Variants in BGN observed in about 807,000 individuals in gnomAD.
The protein encoded by BGN is bone/cartilage proteoglycan-I.
In BGN, 6 loss-of-function variants were observed where a neutral mutation model predicts 20.0. That is an observed-to-expected ratio of 0.30 (90% CI 0.16 to 0.59). The LOEUF is 0.59. Among genes scored for constraint, BGN ranks in the 20% least tolerant of loss-of-function variants. BGN has a pLI of 0.88. For synonymous variants in BGN, 146 were observed against 134.6 expected, an observed-to-expected ratio of 1.08 and a Z score of -0.59; for missense variants, 292 against 312.1, an observed-to-expected ratio of 0.94 and a Z score of 0.49.
chrX:153,505,402 G>C, intron 3 of BGN, 52 bp downstream of exon 3: 4 of 1,031,833 alleles, frequency 3.9e-6, no homozygotes, highest in Non-Finnish European at 5.4e-6. Context: ...AGGGGTCCGG[G>C]TGGGTGCATG....
chrX:153,504,655 G>C lies in BGN; in HGVS notation c.24G>C (p.Val8=). The C allele has an allele frequency of 8.3e-7, 1 of 1,208,255 alleles. No homozygotes were observed. Reference sequence around the variant, plus strand: ...CCATGTGGCCCCTGTGGCGCCTCGTGTCTCTGCTGGCCCTGAGCCAGGCCC... The same window carrying C: ...CCATGTGGCCCCTGTGGCGCCTCGTCTCTCTGCTGGCCCTGAGCCAGGCCC... MWPLWRL[V]SLLALSQALP... is the part of the protein sequence containing the mutation. The change falls in exon 2 of 8, where the codon GTG becomes GTC. Residue 8 remains valine (V), a synonymous_variant. Coordinates refer to ENST00000331595, the MANE Select transcript of BGN (RefSeq NM_001711.6).
rs1244353755 is a variant in BGN at position 153,507,192 on chromosome X, G to A, written c.909+7G>A. On this transcript the variant is annotated splice_region_variant and intron_variant, in intron 7 of 7. Coordinates refer to ENST00000331595, the MANE Select transcript of BGN (RefSeq NM_001711.6). ...AGACCTCAAGCTCCTCCAGGTGAGAGCTGGGCATGCACAGCCAGGTTCCCT... is the reference window on the plus strand; with the variant it reads ...AGACCTCAAGCTCCTCCAGGTGAGAACTGGGCATGCACAGCCAGGTTCCCT... 1 of 1,191,932 alleles carries A rather than the reference G, an allele frequency of 8.4e-7. No homozygotes were observed. Among genetic ancestry groups the A allele is most frequent in the Non-Finnish European group, 1.1e-6 (1 of 884,435 alleles).
intron 1 of BGN, among the ~76,000 whole-genome samples, chrX:153,498,532 G>A (rs1556991188): frequency 2.7e-5 from 3 of 112,735 alleles, no homozygotes. Flanking sequence ...AGCTAAGCAG[G>A]CTGTGGGCCA....
rs782302419 is a variant in BGN, at chrX:153,506,912, C to T, written c.759C>T (p.Ser253=). The T allele has an allele frequency of 6.6e-6, 8 of 1,209,876 alleles. No homozygotes were observed. The East Asian group carries it at 1.5e-4, about 22-fold the overall frequency. Residue 253 remains serine (S), a synonymous_variant, in exon 6 of 8, where the codon TCC becomes TCT. Transcript: ENST00000331595. The part of the protein sequence containing the change: ...AIELEDLLRY[S]KLYRLGLGHN... ...AACTGGAGGACCTGCTTCGCTACTCCAAGCTGTACAGGTGAGGCCAGCAGG... is the reference window on the plus strand; with the variant it reads ...AACTGGAGGACCTGCTTCGCTACTCTAAGCTGTACAGGTGAGGCCAGCAGG...
intron 4 of BGN, 148 bp downstream of exon 4, chrX:153,506,224 C>T (rs2089799270): frequency 4.3e-6 from 3 of 693,377 alleles, no homozygotes; most frequent in Non-Finnish European, 6.3e-6. Context: ...GCAAATCCTC[C>T]ATGCAGGCGA....
chrX:153,503,154 G>T (rs1602979394), intron 1 of BGN, among the ~76,000 whole-genome samples: 2 of 112,839 alleles, frequency 1.8e-5, no homozygotes, highest in Non-Finnish European at 3.8e-5. Flanking sequence ...GGCAGCCCCG[G>T]GCAGCCAGCC....
At chrX:153,499,970 G>A (rs1362530448) in intron 1 of BGN, among the ~76,000 whole-genome samples, 1 of 112,823 alleles carries the variant, frequency 8.9e-6, no homozygotes, top group Non-Finnish European at 1.9e-5. Flanking sequence ...TGCTCAGGGG[G>A]GCAGACGCCC....
chrX:153,506,201 C>A, intron 4 of BGN, 125 bp downstream of exon 4: 1 of 777,762 alleles, frequency 1.3e-6, no homozygotes, highest in Non-Finnish European at 1.8e-6. Context: ...AAAGAAAATC[C>A]ATGGATTTCT....
rs781803267 is a variant in BGN at position 153,505,983 on chromosome X, C to G, written c.472C>G (p.Pro158Ala). The G allele has an allele frequency of 9.9e-6, 12 of 1,211,821 alleles. No homozygotes were observed. The highest frequency in any genetic ancestry group is 1.2e-5 in the Non-Finnish European group (11 of 895,496). Residue 158 changes from proline to alanine, a missense_variant, in exon 4 of 8, where the codon CCC becomes GCC. By Grantham distance (27) the Pro-to-Ala change is conservative. Transcript: ENST00000331595. ...CCTGGTGGAGATCCCGCCCAACCTA[C>G]CCAGCTCCCTGGTGGAGCTCCGCAT... ...NHLVEIPPNLPSSLVELRIHD... is the reference protein window; with the variant it reads ...NHLVEIPPNLASSLVELRIHD...
chrX:153,496,144 C>T (rs1356422912), intron 1 of BGN, among the ~76,000 whole-genome samples: 3 of 112,335 alleles, frequency 2.7e-5, no homozygotes, highest in Non-Finnish European at 5.7e-5. Context: ...TCTTGGTGGG[C>T]AGGCCTCTCT....
At chrX:153,500,781 A>G (rs59704511) in intron 1 of BGN, among the ~76,000 whole-genome samples, 39,400 of 107,669 alleles carry the variant, frequency 0.37, 5,725 homozygotes, top group East Asian at 0.87. Context: ...GTGTGTGTGC[A>G]TGTGTGTGCA....
At position 153,508,088 on chromosome X, in the gene BGN, A is replaced by G. The variant is rs782524463; in HGVS notation, c.910-160A>G. ...TTAATCCTGGCTGACACCCACACAA[A>G]TAACACGCCCATGCCTTGGTTTGCT... On this transcript the variant is annotated intron_variant, in intron 7 of 7. Transcript: ENST00000331595. Among the ~76,000 whole-genome samples the G allele has an allele frequency of 4.4e-5, 5 of 112,539 alleles. No homozygotes were observed. In the South Asian group the frequency reaches 1.5e-3, roughly 33 times the overall value.
intron 1 of BGN, among the ~76,000 whole-genome samples, chrX:153,500,783 GTGTGTGCATGTGTGTA>G (rs1190052305): frequency 2.7e-5 from 3 of 111,186 alleles, no homozygotes; most frequent in Non-Finnish European, 3.8e-5. Context: ...GTGTGTGCAT[GTGTGTGCATGTGTGTA>G]TGTGTGCATG....
chrX:153,508,899 C>G lies in BGN; in HGVS notation c.*454C>G. On this transcript the variant is annotated 3_prime_UTR_variant, in exon 8 of 8. Coordinates refer to ENST00000331595, the MANE Select transcript of BGN (RefSeq NM_001711.6). The stretch of plus-strand genomic sequence containing the variant: ...GTTCCTCCTCCTCATGCATTTCCAG[C>G]CTTTCAACCCTCCCCGACTCTGCGG... The G allele has an allele frequency of 6.4e-6, 1 of 155,390 alleles. No homozygotes were observed. The highest frequency in any genetic ancestry group is 1.2e-5 in the Non-Finnish European group (1 of 81,378). The allele number at this position is 155,390 out of a possible 1,213,427, so 12.8% of individuals were successfully genotyped here.
chrX:153,508,701 A>T lies in BGN; in HGVS notation c.*256A>T. On this transcript the variant is annotated 3_prime_UTR_variant, in exon 8 of 8. Transcript: ENST00000331595. ...AGAGCTGCCCCTGCTCTCCCACCAC[A>T]GCCACCCAGAGGCACCCCATGAAGC... is the stretch of plus-strand genomic sequence containing the variant. 4.8e-6 allele frequency: 2 copies of T among 414,364 alleles called. No homozygotes were observed. Among genetic ancestry groups the T allele is most frequent in the African/African-American group, 5.0e-5 (2 of 40,338 alleles). 34.1% of individuals were successfully genotyped at this position (414,364 alleles called of 1,213,427 possible). A position where few individuals can be genotyped will look rare whatever the true frequency, so the allele number is the denominator to read the frequency against.
chrX:153,496,559 G>A (rs1448679393), intron 1 of BGN, among the ~76,000 whole-genome samples: 4 of 112,203 alleles, frequency 3.6e-5, no homozygotes, highest in Non-Finnish European at 5.7e-5. Context: ...AGCAGGTTGC[G>A]AGCCAGGGAG....
rs782654370 is a variant in BGN, at chrX:153,506,603, C to T, written c.640C>T (p.Arg214Cys). Residue 214 changes from arginine (R) to cysteine (C), a missense_variant, in exon 5 of 8, where the codon CGC (arginine) becomes TGC (cysteine). Arg to Cys is a radical substitution (Grantham distance 180). Coordinates refer to ENST00000331595, the MANE Select transcript of BGN (RefSeq NM_001711.6). ...AFDGLKLNYL[R>C]ISEAKLTGIP... is the part of the protein sequence containing the mutation. ...CGATGGCCTGAAGCTCAACTACCTG[C>T]GCATCTCAGAGGCCAAGCTGACTGG... 3.3e-6 allele frequency: 4 copies of T among 1,209,400 alleles called. No homozygotes were observed. The highest frequency in any genetic ancestry group is 3.0e-5 in the East Asian group (1 of 33,734).
rs1156728437 is a variant in BGN at position 153,505,923 on chromosome X, C to T, written c.412C>T (p.Arg138Trp). 5.8e-6 allele frequency: 7 copies of T among 1,210,225 alleles called. No individual in the cohort carries two copies. Among genetic ancestry groups the T allele is most frequent in the South Asian group, 1.8e-5 (1 of 56,837 alleles). ...CCATGAGAAGGCCTTCAGCCCACTG[C>T]GGAAGCTGCAGAAGCTCTACATCTC... The part of the protein sequence containing the change: ...KIHEKAFSPL[R>W]KLQKLYISKN... Residue 138 changes from arginine (R) to tryptophan (W), a missense_variant, in exon 4 of 8, where the codon CGG becomes TGG. Arg to Trp is a moderately radical substitution (Grantham distance 101). Coordinates refer to ENST00000331595, the MANE Select transcript of BGN (RefSeq NM_001711.6).
intron 4 of BGN, 64 bp from the exon 5 acceptor site, chrX:153,506,465 G>A: frequency 1.9e-6 from 2 of 1,035,184 alleles, no homozygotes; most frequent in Non-Finnish European, 2.7e-6. Context: ...TGGCCCGGAA[G>A]TGACAGGACC....
Sources: allele counts gnomAD v4.1 joint callset (sites outside exome capture counted in the v4.1 genomes callset), GRCh38; gene constraint gnomAD v4.1.1; transcripts MANE v1.5; gene names NCBI Gene and HGNC (gene_info 2026-07-23, HGNC 2026-07-21).